Variants in PECAM1 observed in about 807,000 individuals in gnomAD.
PECAM1 encodes platelet and endothelial cell adhesion molecule 1, also known as platelet endothelial cell adhesion molecule.
Under a neutral mutation model 13.8 loss-of-function variants are expected in PECAM1, and 8 were observed. That is an observed-to-expected ratio of 0.58 (90% CI 0.34 to 1.05). The LOEUF is 1.05. Among genes scored for constraint, PECAM1 ranks in the 50% least tolerant of loss-of-function variants. The probability of loss-of-function intolerance (pLI) is 0.03; values close to 1 mark genes in which losing one functional copy is unlikely to be tolerated. For missense variants in PECAM1, 304 were observed against 141.2 expected (o/e 2.15, Z -5.84); for synonymous variants, 136 against 52.6 (o/e 2.58, Z -6.86).
Position 64,378,350 on chromosome 17 carries a change from A to G in PECAM1, c.92-233T>C, listed in dbSNP as rs978827395. Among the ~76,000 whole-genome samples the G allele has an allele frequency of 1.8e-4, 28 of 152,276 alleles. No homozygotes were observed. In the South Asian group the frequency reaches 2.9e-3, roughly 16 times the overall value. On this transcript the variant is annotated intron_variant, in intron 2 of 15. Transcript: ENST00000563924. Reference sequence around the variant, plus strand: ...CCAAGGCAAAGGAACAGAGTGTGATAAAGATGTAGAGCTAGGTATGGTGGC... The same window carrying G: ...CCAAGGCAAAGGAACAGAGTGTGATGAAGATGTAGAGCTAGGTATGGTGGC...
rs78022047 is a variant in PECAM1, at chr17:64,320,426, C to A, written c.*3390G>T. On this transcript the variant is annotated 3_prime_UTR_variant, in exon 16 of 16. Transcript: ENST00000563924. ...CACCCCCCACTCCCTTGCCTCAGGGCCTTCCTGCACTTCTTCCTTTTGTCC... is the reference window on the plus strand; with the variant it reads ...CACCCCCCACTCCCTTGCCTCAGGGACTTCCTGCACTTCTTCCTTTTGTCC... The A allele has an allele frequency of 0.035, 5,329 of 152,678 alleles. 319 individuals are homozygous for A. Among genetic ancestry groups the A allele is most frequent in the African/African-American group, 0.12 (5,020 of 41,492 alleles). The allele number at this position is 152,678 out of a possible 1,614,324, so 9.5% of individuals were successfully genotyped here.
chr17:64,365,480 T>C (rs2036082033), intron 5 of PECAM1, among the ~76,000 whole-genome samples: 1 of 150,812 alleles, frequency 6.6e-6, no homozygotes, highest in Non-Finnish European at 1.5e-5. Flanking sequence ...TACTTTAAAG[T>C]TCATATGGAA....
intron 13 of PECAM1, among the ~76,000 whole-genome samples, chr17:64,345,966 G>A (rs2143752600): frequency 6.6e-6 from 1 of 152,328 alleles, no homozygotes; most frequent in South Asian, 2.1e-4. Context: ...CTCAAAAAGA[G>A]AAGACAAGGA....
intron 14 of PECAM1, among the ~76,000 whole-genome samples, chr17:64,332,951 G>A (rs991860251): frequency 1.1e-4 from 14 of 126,828 alleles, no homozygotes; most frequent in African/African-American, 3.2e-4. Context: ...CCAGGAGTTC[G>A]AGACCAGCCT....
chr17:64,325,239 T>C (rs12452448), intron 15 of PECAM1, among the ~76,000 whole-genome samples: 71,475 of 151,598 alleles, frequency 0.47, 18,061 homozygotes, highest in East Asian at 0.69. Flanking sequence ...AATACAAAAA[T>C]TAGCCGGGCG....
chr17:64,339,748 G>C (rs1598006418), intron 14 of PECAM1, among the ~76,000 whole-genome samples: 1 of 152,208 alleles, frequency 6.6e-6, no homozygotes, highest in African/African-American at 2.4e-5. Context: ...CACAAGGGTT[G>C]AGTTTCTATT....
chr17:64,323,677 C>T lies in PECAM1; in HGVS notation c.*139G>A, dbSNP rs2034862893. 2 of 1,527,274 alleles carry T rather than the reference C, an allele frequency of 1.3e-6. No homozygotes were observed. The highest frequency in any genetic ancestry group is 8.8e-7 in the Non-Finnish European group (1 of 1,135,420). The allele number at this position is 1,527,274 out of a possible 1,614,324, so 94.6% of individuals were successfully genotyped here. A position where few individuals can be genotyped will look rare whatever the true frequency, so the allele number is the denominator to read the frequency against. Reference sequence around the variant, plus strand: ...GCAGGATGGATTTAAGAACCGGCAGCTTAGCCTGAGGAATTGCTGTGTTCT... The same window carrying T: ...GCAGGATGGATTTAAGAACCGGCAGTTTAGCCTGAGGAATTGCTGTGTTCT... On this transcript the variant is annotated 3_prime_UTR_variant, in exon 16 of 16. Transcript: ENST00000563924.
At position 64,320,306 on chromosome 17, in the gene PECAM1, G is replaced by A. The variant is rs1200489492; in HGVS notation, c.*3510C>T. On this transcript the variant is annotated 3_prime_UTR_variant, in exon 16 of 16. Transcript: ENST00000563924. ...AGTGGGAGCCTGGCAGCAATTCTTA[G>A]GGGACAGTGACAGCTTTTTGAGGAG... 6.6e-6 allele frequency: 1 copy of A among 152,388 alleles called. No individual in the cohort carries two copies. Among genetic ancestry groups the A allele is most frequent in the African/African-American group, 2.4e-5 (1 of 41,440 alleles). 9.4% of individuals were successfully genotyped at this position (152,388 alleles called of 1,614,324 possible). A position where few individuals can be genotyped will look rare whatever the true frequency, so the allele number is the denominator to read the frequency against.
intron 14 of PECAM1, among the ~76,000 whole-genome samples, chr17:64,339,496 C>G (rs978033444): frequency 6.6e-6 from 1 of 151,792 alleles, no homozygotes; most frequent in Admixed American, 6.6e-5. Context: ...TCCAAGAAAG[C>G]GAACACTCTC....
chr17:64,356,414 A>G lies in PECAM1; in HGVS notation c.1493-16T>C. On this transcript the variant is annotated splice_polypyrimidine_tract_variant and intron_variant, in intron 7 of 15. Coordinates refer to ENST00000563924, the MANE Select transcript of PECAM1 (RefSeq NM_000442.5). ...TCCACCGGGGCTGAAAAGCAGGAAAAGGATTCACACTGAGCAAAGAAGGGC... is the reference window on the plus strand; with the variant it reads ...TCCACCGGGGCTGAAAAGCAGGAAAGGGATTCACACTGAGCAAAGAAGGGC... 1 of 456,272 alleles carries G rather than the reference A, an allele frequency of 2.2e-6. No individual in the cohort carries two copies. The highest frequency in any genetic ancestry group is 4.0e-6 in the Non-Finnish European group (1 of 249,956). The allele number at this position is 456,272 out of a possible 1,614,324, so 28.3% of individuals were successfully genotyped here.
chr17:64,388,076 G>A (rs2036637241), intron 2 of PECAM1, among the ~76,000 whole-genome samples: 1 of 143,174 alleles, frequency 7.0e-6, no homozygotes, highest in African/African-American at 2.5e-5. Flanking sequence ...GGCAGTGGGA[G>A]AGTCGCTCCC....
chr17:64,367,580 GAC>G (rs2036139667), intron 5 of PECAM1, among the ~76,000 whole-genome samples: 1 of 149,170 alleles, frequency 6.7e-6, no homozygotes, highest in East Asian at 2.0e-4. Flanking sequence ...AAAGAAAAAA[GAC>G]ACTGAACCTA....
intron 4 of PECAM1, chr17:64,370,317 A>G (rs2036212853): frequency 4.1e-6 from 1 of 243,380 alleles, no homozygotes; most frequent in East Asian, 7.7e-5. Flanking sequence ...AGAAATAACC[A>G]CAGTATTTAG....
chr17:64,348,728 G>A (rs1247257549), intron 12 of PECAM1, among the ~76,000 whole-genome samples: 1 of 152,070 alleles, frequency 6.6e-6, no homozygotes, highest in African/African-American at 2.4e-5. Context: ...ATAAGCCACT[G>A]CCCCCGGCTA....
chr17:64,343,730 A>G (rs1247761611), intron 13 of PECAM1, among the ~76,000 whole-genome samples: 1 of 152,186 alleles, frequency 6.6e-6, no homozygotes, highest in African/African-American at 2.4e-5. Context: ...TTTGGAACTC[A>G]GTAGAGTGGC....
intron 7 of PECAM1, 41 bp downstream of exon 7, chr17:64,360,099 C>A: frequency 2.1e-6 from 1 of 475,252 alleles, no homozygotes; most frequent in Non-Finnish European, 3.9e-6. Context: ...GAAAGAATGC[C>A]CCAAGCCCAC....
At chr17:64,334,104 C>G (rs2143699901) in intron 14 of PECAM1, among the ~76,000 whole-genome samples, 1 of 141,974 alleles carries the variant, frequency 7.0e-6, no homozygotes, top group African/African-American at 2.6e-5. Context: ...GTGGAAGGCG[C>G]CTCATGATAC....
chr17:64,351,130 G>A (rs1404451166), intron 11 of PECAM1, among the ~76,000 whole-genome samples: 2 of 151,976 alleles, frequency 1.3e-5, no homozygotes, highest in Non-Finnish European at 1.5e-5. Flanking sequence ...CACCTACCTC[G>A]GCCTCCCAAA....
chr17:64,340,840 G>A (rs1424353700), intron 14 of PECAM1, among the ~76,000 whole-genome samples: 3 of 152,190 alleles, frequency 2.0e-5, no homozygotes, highest in Non-Finnish European at 4.4e-5. Flanking sequence ...GCTCACACTT[G>A]TAATCCCAGC....
Sources: allele counts gnomAD v4.1 joint callset (sites outside exome capture counted in the v4.1 genomes callset), GRCh38; gene constraint gnomAD v4.1.1; transcripts MANE v1.5; gene names NCBI Gene and HGNC (gene_info 2026-07-23, HGNC 2026-07-21).